MAP7: variants seen among roughly 807,000 people sequenced by gnomAD.
The protein encoded by MAP7 is microtubule associated protein 7.
MAP7 carries 52 observed loss-of-function variants against 94.8 expected under a neutral mutation model. The ratio of observed to expected loss-of-function variants is 0.55; its 90% CI spans 0.44 to 0.69. MAP7 has a LOEUF of 0.69. MAP7 is among the 30% of genes least tolerant of loss of function. The pLI, the probability that MAP7 is intolerant of heterozygous loss-of-function variation, is 0.00. For synonymous variants in MAP7, 350 were observed against 357.0 expected, an observed-to-expected ratio of 0.98 and a Z score of 0.22; for missense variants, 940 against 964.6, an observed-to-expected ratio of 0.97 and a Z score of 0.34.
Position 136,411,017 on chromosome 6 carries a change from C to T in MAP7, c.244+603G>A, listed in dbSNP as rs181449813. ...GACATCAAAGTAAAGGAGGGGTTGGCACCTGCTTCCTTGCCCAATGTTTTA... is the reference window on the plus strand; with the variant it reads ...GACATCAAAGTAAAGGAGGGGTTGGTACCTGCTTCCTTGCCCAATGTTTTA... On this transcript the variant is annotated intron_variant, in intron 3 of 17. Coordinates refer to ENST00000354570, the MANE Select transcript of MAP7 (RefSeq NM_003980.6). Among the ~76,000 whole-genome samples the T allele has an allele frequency of 1.0e-3, 154 of 152,318 alleles. 1 individual carries two copies. Among genetic ancestry groups the T allele is most frequent in the African/African-American group, 3.6e-3 (148 of 41,576 alleles).
chr6:136,370,061 TAACTC>T, intron 8 of MAP7, among the ~76,000 whole-genome samples: 1 of 152,288 alleles, frequency 6.6e-6, no homozygotes, highest in East Asian at 1.9e-4. Flanking sequence ...AATATATAAA[TAACTC>T]TACAATTCAA....
chr6:136,452,301 G>C (rs1201336739), intron 1 of MAP7, among the ~76,000 whole-genome samples: 1 of 152,196 alleles, frequency 6.6e-6, no homozygotes, highest in Non-Finnish European at 1.5e-5. Context: ...TCTTAAGATG[G>C]AAGCTACTCC....
chr6:136,526,610 G>T lies in MAP7; in HGVS notation c.67+23732C>A, dbSNP rs116264832. ...GAACTCACCAGCAGAGGGTTACAGCGTGAGGCCGCTGGGCAGCTCCCTCTT... is the reference window on the plus strand; with the variant it reads ...GAACTCACCAGCAGAGGGTTACAGCTTGAGGCCGCTGGGCAGCTCCCTCTT... On this transcript the variant is annotated intron_variant, in intron 1 of 17. Coordinates refer to ENST00000354570, the MANE Select transcript of MAP7 (RefSeq NM_003980.6). The T allele has an allele frequency of 2.1e-3, 2,053 of 985,516 alleles. 35 individuals are homozygous for T. In the African/African-American group the frequency reaches 0.03, roughly 14 times the overall value. 61.0% of individuals were successfully genotyped at this position (985,516 alleles called of 1,614,324 possible). A position where few individuals can be genotyped will look rare whatever the true frequency, so the allele number is the denominator to read the frequency against.
intron 1 of MAP7, among the ~76,000 whole-genome samples, chr6:136,493,178 C>T (rs1817178184): frequency 1.5e-5 from 2 of 137,606 alleles, no homozygotes; most frequent in South Asian, 4.5e-4. Flanking sequence ...GGCTGGAGTG[C>T]AATGGCACGA....
chr6:136,377,728 G>A, intron 7 of MAP7, 27 bp downstream of exon 7: 2 of 1,562,542 alleles, frequency 1.3e-6, no homozygotes, highest in Non-Finnish European at 1.8e-6. Context: ...TGACCTCATG[G>A]GGAAAGTTCC....
intron 1 of MAP7, among the ~76,000 whole-genome samples, chr6:136,532,373 T>C (rs1828542906): frequency 6.6e-6 from 1 of 152,016 alleles, no homozygotes; most frequent in Non-Finnish European, 1.5e-5. Context: ...GGCCATAACA[T>C]AGGAGACATA....
intron 1 of MAP7, among the ~76,000 whole-genome samples, chr6:136,465,368 T>C (rs1173897240): frequency 2.0e-5 from 3 of 152,248 alleles, no homozygotes; most frequent in African/African-American, 7.2e-5. Context: ...TTTCATCTGA[T>C]AGAAGCAATC....
intron 1 of MAP7, among the ~76,000 whole-genome samples, chr6:136,448,335 C>T (rs756329787): frequency 1.3e-5 from 2 of 151,946 alleles, no homozygotes; most frequent in South Asian, 2.1e-4. Context: ...TTTGGCAACA[C>T]GATTATTAAA....
chr6:136,417,031 A>AG (rs1789702955), intron 2 of MAP7, among the ~76,000 whole-genome samples: 1 of 152,142 alleles, frequency 6.6e-6, no homozygotes, highest in Non-Finnish European at 1.5e-5. Context: ...AGGTGACAGG[A>AG]TCGCTTGAGG....
chr6:136,493,325 G>A (rs1484125166), intron 1 of MAP7, among the ~76,000 whole-genome samples: 1 of 152,092 alleles, frequency 6.6e-6, no homozygotes, highest in African/African-American at 2.4e-5. Context: ...GTTTCTCCAT[G>A]TTGGTCAGTC....
At chr6:136,460,534 C>T (rs942116279) in intron 1 of MAP7, among the ~76,000 whole-genome samples, 3 of 152,114 alleles carry the variant, frequency 2.0e-5, no homozygotes, top group African/African-American at 7.2e-5. Flanking sequence ...CACCTAAAAA[C>T]AGTTTACATA....
chr6:136,358,502 A>T (rs940567629), intron 15 of MAP7, among the ~76,000 whole-genome samples: 4 of 152,248 alleles, frequency 2.6e-5, no homozygotes, highest in Non-Finnish European at 5.9e-5. Flanking sequence ...AGCATCTTTA[A>T]AAGAGCATGA....
intron 1 of MAP7, chr6:136,526,525 C>T (rs923336199): frequency 4.1e-6 from 4 of 985,442 alleles, no homozygotes; most frequent in Admixed American, 6.2e-5. Context: ...TCAAGAAGGG[C>T]CCAGAGCGGC....
Position 136,421,810 on chromosome 6 carries a change from G to A in MAP7, c.68-11C>T. 2 of 1,578,332 alleles carry A rather than the reference G, an allele frequency of 1.3e-6. No homozygotes were observed. The highest frequency in any genetic ancestry group is 1.7e-6 in the Non-Finnish European group (2 of 1,164,064). ...TGTAGCTGTCGGGTGCTACAGAAATGAGACAAAAGAGAAAAGACACATTTA... is the reference window on the plus strand; with the variant it reads ...TGTAGCTGTCGGGTGCTACAGAAATAAGACAAAAGAGAAAAGACACATTTA... On this transcript the variant is annotated splice_polypyrimidine_tract_variant and intron_variant, in intron 1 of 17. Transcript: ENST00000354570.
chr6:136,504,432 T>C (rs1431885817), intron 1 of MAP7, among the ~76,000 whole-genome samples: 1 of 151,882 alleles, frequency 6.6e-6, no homozygotes, highest in Non-Finnish European at 1.5e-5. Context: ...CACTGCAACC[T>C]CCACGTCCTG....
intron 1 of MAP7, among the ~76,000 whole-genome samples, chr6:136,496,629 G>A (rs750217595): frequency 6.6e-6 from 1 of 151,574 alleles, no homozygotes; most frequent in Non-Finnish European, 1.5e-5. Context: ...ATGTTAACTT[G>A]GCTCCTAGGC....
At position 136,361,114 on chromosome 6, in the gene MAP7, G is replaced by A. The variant is rs377040711; in HGVS notation, c.1592C>T (p.Ser531Leu). Residue 531 changes from serine to leucine, a missense_variant, in exon 12 of 18, where the codon TCG (serine) becomes TTG (leucine). Physicochemically the swap from Ser to Leu is moderately radical, Grantham distance 145. Transcript: ENST00000354570. Reference protein sequence around the residue: ...EERTTRREEESRRLEAEQARE... With the variant: ...EERTTRREEELRRLEAEQARE... ...GGCCTGCTCGGCTTCCAGCCTGCGCGACTCCTCCTCACGGCGAGTCGTCCT... is the reference window on the plus strand; with the variant it reads ...GGCCTGCTCGGCTTCCAGCCTGCGCAACTCCTCCTCACGGCGAGTCGTCCT... 1.3e-5 allele frequency: 21 copies of A among 1,605,672 alleles called. No individual in the cohort carries two copies. The African/African-American group carries it at 2.5e-4, about 19-fold the overall frequency.
chr6:136,466,389 G>A (rs572248355), intron 1 of MAP7, among the ~76,000 whole-genome samples: 18 of 152,054 alleles, frequency 1.2e-4, no homozygotes, highest in African/African-American at 4.3e-4. Flanking sequence ...GCATAATTGT[G>A]TATGTTTGTC....
At chr6:136,495,453 T>TAC (rs55923280) in intron 1 of MAP7, among the ~76,000 whole-genome samples, 6,107 of 142,972 alleles carry the variant, frequency 0.043, 199 homozygotes, top group Admixed American at 0.11. Context: ...AGTGTGAGAA[T>TAC]ACACACACAC....
Sources: gnomAD v4.1 joint callset for allele counts (sites outside exome capture counted in the v4.1 genomes callset) on GRCh38, gnomAD v4.1.1 for gene constraint, MANE v1.5 for transcripts, NCBI Gene and HGNC (gene_info 2026-07-23, HGNC 2026-07-21) for gene names.